Variants in DNAH10 observed in about 807,000 individuals in gnomAD.
DNAH10 encodes the protein dynein axonemal heavy chain 10, also known as axonemal beta dynein heavy chain 10.
DNAH10 carries 348 observed loss-of-function variants against 506.6 expected under a neutral mutation model. The observed-to-expected ratio is 0.69, with a 90% CI of 0.63 to 0.75. DNAH10 has a LOEUF of 0.75. Among genes scored for constraint, DNAH10 ranks in the 30% least tolerant of loss-of-function variants. The pLI is 0.00. For synonymous variants in DNAH10, 2,059 were observed against 2,198.6 expected (o/e 0.94, Z 1.78); for missense variants, 5,179 against 5,787.1 (o/e 0.89, Z 3.41).
intron 45 of DNAH10, among the ~76,000 whole-genome samples, 182 bp downstream of exon 45, chr12:123,871,784 T>C (rs1240182168): frequency 6.6e-6 from 1 of 152,220 alleles, no homozygotes; most frequent in East Asian, 1.9e-4. Flanking sequence ...TGGCCAGGGC[T>C]GTAGATACCT....
At chr12:123,880,572 T>A (rs769778930) in intron 50 of DNAH10, among the ~76,000 whole-genome samples, 8 of 152,130 alleles carry the variant, frequency 5.3e-5, no homozygotes, top group Non-Finnish European at 1.2e-4. Flanking sequence ...CTCGAACTCC[T>A]GGGCTCAAGT....
At position 123,903,008 on chromosome 12, in the gene DNAH10, T is replaced by C. The variant is rs759565371; in HGVS notation, c.9710T>C (p.Met3237Thr). The change falls in exon 57 of 79, where the codon ATG (methionine) becomes ACG (threonine). Residue 3237 changes from methionine to threonine, a missense_variant. Met to Thr is a moderately conservative substitution (Grantham distance 81). This residue lies in a region of DNAH10 where 4,844 missense variants were observed against 5,430.5 expected (regional missense o/e 0.89). Transcript: ENST00000673944. The surrounding 1 kb of genome is among the most constrained non-coding windows in gnomAD (Gnocchi z 4.6). Reference sequence around the variant, plus strand: ...GAGGAGCAGAACAAAGTCATTGCCATGGAGAAGGCCGAGGCCGAGACGACC... The same window carrying C: ...GAGGAGCAGAACAAAGTCATTGCCACGGAGAAGGCCGAGGCCGAGACGACC... The part of the protein sequence containing the change: ...EIEEQNKVIA[M>T]EKAEAETTLA... The C allele has an allele frequency of 6.2e-7, 1 of 1,601,560 alleles. No individual in the cohort carries two copies.
chr12:123,929,908 C>A, intron 72 of DNAH10, 149 bp downstream of exon 72: 1 of 694,178 alleles, frequency 1.4e-6, no homozygotes, highest in Admixed American at 2.7e-5. Flanking sequence ...CTGCTCTCAC[C>A]TGGTTGTTCT....
At chr12:123,930,713 C>T (rs900606201) in intron 73 of DNAH10, 140 bp downstream of exon 73, 25 of 791,502 alleles carry the variant, frequency 3.2e-5, no homozygotes, top group Non-Finnish European at 3.8e-5. Context: ...GCTCGGCAGA[C>T]GCTTCCTGGC....
At chr12:123,863,229 C>T (rs1951678625) in intron 39 of DNAH10, among the ~76,000 whole-genome samples, 1 of 152,146 alleles carries the variant, frequency 6.6e-6, no homozygotes, top group Admixed American at 6.5e-5. Flanking sequence ...AGATGTCACC[C>T]ATTATAGCCA....
intron 52 of DNAH10, among the ~76,000 whole-genome samples, chr12:123,892,694 C>T (rs1451215136): frequency 6.6e-6 from 1 of 152,214 alleles, no homozygotes; most frequent in Non-Finnish European, 1.5e-5. Flanking sequence ...TAATTTGAAA[C>T]GGCGTAGATA....
chr12:123,864,891 C>T (rs755193881), intron 40 of DNAH10, among the ~76,000 whole-genome samples, 161 bp downstream of exon 40: 1 of 152,220 alleles, frequency 6.6e-6, no homozygotes, highest in Non-Finnish European at 1.5e-5. Flanking sequence ...CCTCTCATCC[C>T]TCTTTATCCC....
rs79099423 is a variant in DNAH10, at chr12:123,787,629, C to T, written c.1422-175C>T. ...AAACCTCGCAGCTTGGGACTCCCGC[C>T]CTTGCACATGGGACAGGGCAGCCGC... On this transcript the variant is annotated intron_variant, in intron 9 of 78. Coordinates refer to ENST00000673944, the MANE Select transcript of DNAH10 (RefSeq NM_001372106.1). The surrounding 1 kb of genome is among the most constrained non-coding windows in gnomAD (Gnocchi z 4.6). 6.6e-6 allele frequency among the ~76,000 whole-genome samples: 1 copy of T among 152,376 alleles called. No homozygotes were observed. Among genetic ancestry groups the T allele is most frequent in the African/African-American group, 2.4e-5 (1 of 41,594 alleles).
chr12:123,924,931 C>T (rs1258267835), intron 67 of DNAH10, 119 bp from the exon 68 acceptor site: 2 of 1,350,838 alleles, frequency 1.5e-6, no homozygotes, highest in Non-Finnish European at 2.0e-6. Context: ...AGGTGGCCTT[C>T]AGTTAGTACA....
intron 65 of DNAH10, among the ~76,000 whole-genome samples, chr12:123,920,577 A>C (rs1042151494): frequency 6.6e-6 from 1 of 152,238 alleles, no homozygotes; most frequent in African/African-American, 2.4e-5. Context: ...CTCAAAACAT[A>C]GACATAAGGC....
rs1383690518 is a variant in DNAH10, at chr12:123,896,148, C to CACACACACACAGAG, written c.9280+1426_9280+1427insCACACACACAGAGA. On this transcript the variant is annotated intron_variant, in intron 54 of 78. Transcript: ENST00000673944. Reference sequence around the variant, plus strand: ...ACACACACACACACACACACACACACAGAGAGAGAGAGAGAGAGAGAGAGA... The same window carrying CACACACACACAGAG: ...ACACACACACACACACACACACACACACACACACACAGAGAGAGAGAGAGAGAGAGAGAGAGAGA... 2.2e-3 allele frequency among the ~76,000 whole-genome samples: 211 copies of CACACACACACAGAG among 95,274 alleles called. 2 individuals are homozygous for CACACACACACAGAG. The highest frequency in any genetic ancestry group is 3.1e-3 in the Non-Finnish European group (159 of 51,288). The allele number at this position is 95,274 out of a possible 152,430, so 62.5% of individuals were successfully genotyped here.
chr12:123,847,221 TC>T (rs1247299465), intron 32 of DNAH10, among the ~76,000 whole-genome samples: 4 of 37,418 alleles, frequency 1.1e-4, no homozygotes, highest in Non-Finnish European at 1.6e-4. Flanking sequence ...CATCCTATTA[TC>T]TATCTATCTA....
rs1594238736 is a variant in DNAH10 at position 123,867,793 on chromosome 12, G to A, written c.7303-110G>A. On this transcript the variant is annotated intron_variant, in intron 42 of 78. Coordinates refer to ENST00000673944, the MANE Select transcript of DNAH10 (RefSeq NM_001372106.1). Reference sequence around the variant, plus strand: ...TCCATCTGTCTGAACCAACATGTTGGGTCTTATGCTCCCATCGCTCTGGGA... The same window carrying A: ...TCCATCTGTCTGAACCAACATGTTGAGTCTTATGCTCCCATCGCTCTGGGA... 3.0e-6 allele frequency: 4 copies of A among 1,326,504 alleles called. No homozygotes were observed. In the East Asian group the frequency reaches 9.9e-5, roughly 33 times the overall value. 82.2% of individuals were successfully genotyped at this position (1,326,504 alleles called of 1,614,324 possible).
intron 56 of DNAH10, among the ~76,000 whole-genome samples, chr12:123,901,237 T>C (rs1953504670): frequency 6.6e-6 from 1 of 152,244 alleles, no homozygotes. Flanking sequence ...CAGCCAGCTC[T>C]GGTGGTGTCC....
rs1955454718 is a variant in DNAH10, at chr12:123,935,472, TTC to T, written c.13763_13764del (p.Ser4588Ter). ...TGCAAGGAGTATGCCTCACCCTGAA[TTC>T]TGATTAACCTTTGGGTGAAGAAAAC... ...VLQGVCLTLN[S>X]D On this transcript the variant is annotated frameshift_variant, in exon 79 of 79. Transcript: ENST00000673944. LOFTEE classifies it high-confidence loss of function. The T allele has an allele frequency of 6.3e-7, 1 of 1,586,086 alleles. No homozygotes were observed. Among genetic ancestry groups the T allele is most frequent in the African/African-American group, 1.3e-5 (1 of 74,596 alleles).
chr12:123,770,550 C>T (rs1957215322), intron 2 of DNAH10, among the ~76,000 whole-genome samples: 1 of 148,248 alleles, frequency 6.7e-6, no homozygotes, highest in African/African-American at 2.5e-5. Context: ...GTTGGTACTG[C>T]TGTCTATAGA....
At chr12:123,796,592 C>T in intron 12 of DNAH10, 64 bp from the exon 13 acceptor site, 7 of 1,432,958 alleles carry the variant, frequency 4.9e-6, no homozygotes, top group Non-Finnish European at 6.6e-6. Flanking sequence ...AGATTCAAAT[C>T]TCATCTTTCT....
Position 123,893,399 on chromosome 12 carries a change from G to C in DNAH10, c.9162G>C (p.Val3054=). 3.7e-6 allele frequency: 6 copies of C among 1,613,342 alleles called. No individual in the cohort carries two copies. Among genetic ancestry groups the C allele is most frequent in the Non-Finnish European group, 4.2e-6 (5 of 1,179,892 alleles). Reference sequence around the variant, plus strand: ...ACATTGTCCTGGGCATGTCGCCAGTGGGGGACACCCTGAGGACCTGGTGCA... The same window carrying C: ...ACATTGTCCTGGGCATGTCGCCAGTCGGGGACACCCTGAGGACCTGGTGCA... ...NLHIVLGMSP[V]GDTLRTWCRN... is the part of the protein sequence containing the mutation. Residue 3054 remains valine (V), a synonymous_variant, in exon 53 of 79, where the codon GTG becomes GTC. Coordinates refer to ENST00000673944, the MANE Select transcript of DNAH10 (RefSeq NM_001372106.1).
chr12:123,875,146 C>G, intron 46 of DNAH10, 85 bp from the exon 47 acceptor site: 1 of 1,468,198 alleles, frequency 6.8e-7, no homozygotes, highest in Admixed American at 2.3e-5. Flanking sequence ...GAAAAATGAG[C>G]TTGAGCTGGG....
Sources: allele counts gnomAD v4.1 joint callset (sites outside exome capture counted in the v4.1 genomes callset), GRCh38; gene constraint gnomAD v4.1.1; regional missense constraint gnomAD v4.1.1; non-coding constraint Gnocchi (gnomAD v3.1); transcripts MANE v1.5; gene names NCBI Gene and HGNC (gene_info 2026-07-23, HGNC 2026-07-21).